Variants in NF1 observed in about 807,000 individuals in gnomAD.
The protein encoded by NF1 is neurofibromin.
Under a neutral mutation model 325.7 loss-of-function variants are expected in NF1, and 122 were observed. The observed-to-expected ratio is 0.37, with a 90% CI of 0.32 to 0.44. The LOEUF is 0.44. Among genes scored for constraint, NF1 ranks in the 20% least tolerant of loss-of-function variants. The pLI is 1.00. For synonymous variants in NF1, 1,091 were observed against 1,186.0 expected (o/e 0.92, Z 1.65); for missense variants, 2,140 against 3,415.4 (o/e 0.63, Z 9.31).
intron 1 of NF1, among the ~76,000 whole-genome samples, chr17:31,114,770 C>T (rs947852304): frequency 2.0e-5 from 3 of 152,020 alleles, no homozygotes; most frequent in Non-Finnish European, 4.4e-5. Flanking sequence ...ACAAGAATCA[C>T]TTGAACCCGG....
intron 5 of NF1, among the ~76,000 whole-genome samples, chr17:31,177,376 A>C (rs2066043184): frequency 6.6e-6 from 1 of 152,248 alleles, no homozygotes; most frequent in Non-Finnish European, 1.5e-5. Context: ...CATCATCAAC[A>C]TCAAAGACCA....
chr17:31,329,509 T>TA (rs1451060107), intron 38 of NF1, among the ~76,000 whole-genome samples: 2 of 152,206 alleles, frequency 1.3e-5, no homozygotes, highest in African/African-American at 2.4e-5. Context: ...ACCTGACAGT[T>TA]ACTGAACAAA....
At position 31,260,464 on chromosome 17, in the gene NF1, G is replaced by C. The variant is rs546073780; in HGVS notation, c.4526G>C (p.Arg1509Pro). 1 of 1,613,860 alleles carries C rather than the reference G, an allele frequency of 6.2e-7. No homozygotes were observed. Among genetic ancestry groups the C allele is most frequent in the Non-Finnish European group, 8.5e-7 (1 of 1,179,928 alleles). ...GACGGCAATGTGCTTGCTTTACATCGTCTACTCTGGAACAATCAGGAGAAA... is the reference window on the plus strand; with the variant it reads ...GACGGCAATGTGCTTGCTTTACATCCTCTACTCTGGAACAATCAGGAGAAA... ...ISDGNVLALHRLLWNNQEKIG... is the reference protein window; with the variant it reads ...ISDGNVLALHPLLWNNQEKIG... The change falls in exon 34 of 58, where the codon CGT (arginine) becomes CCT (proline). Residue 1509 changes from arginine to proline, a missense_variant. By Grantham distance (103) the Arg-to-Pro change is moderately radical (BLOSUM62 -2). Transcript: ENST00000358273.
In NF1 at chr17:31,377,555, A is replaced by T; in HGVS notation, c.*3400A>T. The T allele has an allele frequency of 4.3e-6, 1 of 233,124 alleles. No individual in the cohort carries two copies. The highest frequency in any genetic ancestry group is 1.3e-3 in the Middle Eastern group (1 of 786). The allele number at this position is 233,124 out of a possible 1,614,324, so 14.4% of individuals were successfully genotyped here. A position where few individuals can be genotyped will look rare whatever the true frequency, so the allele number is the denominator to read the frequency against. ...CCCAACAGACAAAATCGATCATTGT[A>T]GGGGAAAATCATAGAAATCCATTTC... On this transcript the variant is annotated 3_prime_UTR_variant, in exon 58 of 58. Transcript: ENST00000358273.
chr17:31,297,581 T>G (rs1276737775), intron 36 of NF1: 2 of 152,190 alleles, frequency 1.3e-5, no homozygotes, highest in African/African-American at 2.4e-5. Flanking sequence ...TTTATCCTTT[T>G]TACATGTTGA....
chr17:31,300,982 T>G (rs1251142380), intron 36 of NF1, among the ~76,000 whole-genome samples: 4 of 152,130 alleles, frequency 2.6e-5, no homozygotes, highest in Non-Finnish European at 5.9e-5. Context: ...TATTAAAAGT[T>G]GTGTTTTGGG....
intron 1 of NF1, among the ~76,000 whole-genome samples, chr17:31,143,268 C>T (rs1307329266): frequency 6.6e-6 from 1 of 151,530 alleles, no homozygotes; most frequent in Non-Finnish European, 1.5e-5. Context: ...CACACACACA[C>T]GGACACACAC....
rs1597840153 is a variant in NF1 at position 31,334,943 on chromosome 17, C to T, written c.5918C>T (p.Ala1973Val). 1.2e-6 allele frequency: 2 copies of T among 1,613,454 alleles called. No homozygotes were observed. The highest frequency in any genetic ancestry group is 1.7e-6 in the Non-Finnish European group (2 of 1,179,880). ...GATGCCAAACGACAAAGAGTTACTG[C>T]TATTCTTGACAAGCTGATAACAATG... ...NDDAKRQRVT[A>V]ILDKLITMTI... Residue 1973 changes from alanine to valine, a missense_variant, in exon 40 of 58, where the codon GCT (alanine) becomes GTT (valine). Coordinates refer to ENST00000358273, the MANE Select transcript of NF1 (RefSeq NM_001042492.3).
rs779689556 is a variant in NF1, at chr17:31,326,222, A to T, written c.5238A>T (p.Leu1746=). Residue 1746 remains leucine (L), a synonymous_variant, in exon 37 of 58, where the codon CTA becomes CTT. Transcript: ENST00000358273. The part of the protein sequence containing the change: ...DLKVFHNALK[L]AHKDTKVSIK... ...AGGTATTCCACAATGCTCTCAAGCT[A>T]GCTCACAAAGACACCAAAGTTTCTA... 2 of 1,611,556 alleles carry T rather than the reference A, an allele frequency of 1.2e-6. No individual in the cohort carries two copies. The highest frequency in any genetic ancestry group is 8.5e-7 in the Non-Finnish European group (1 of 1,180,010).
At chr17:31,296,214 C>A (rs777723453) in intron 36 of NF1, 14 of 1,614,074 alleles carry the variant, frequency 8.7e-6, no homozygotes, top group Non-Finnish European at 1.1e-5. Context: ...CCTGAACAGT[C>A]CACATGCCTG....
intron 36 of NF1, chr17:31,307,762 G>A: frequency 1.8e-6 from 1 of 561,578 alleles, no homozygotes; most frequent in Non-Finnish European, 2.8e-6. Flanking sequence ...TTAGGGAATA[G>A]AAAATCTTAG....
chr17:31,130,160 C>G (rs901791491), intron 1 of NF1, among the ~76,000 whole-genome samples: 3 of 145,062 alleles, frequency 2.1e-5, no homozygotes, highest in Admixed American at 7.0e-5. Flanking sequence ...GGCTTCATTA[C>G]TGGAGGGGCC....
In NF1 at chr17:31,260,550, C is replaced by G. The variant is rs17886828; in HGVS notation, c.4577+35C>G. On this transcript the variant is annotated intron_variant, in intron 34 of 57. Transcript: ENST00000358273. ...CCCAGTCATGGGGATAGTGAACACT[C>G]TCCGTTTAAATTTAGATTAATACAA... The G allele has an allele frequency of 5.8e-5, 93 of 1,608,440 alleles. 3 individuals carry two copies. The South Asian group carries it at 9.5e-4, about 16-fold the overall frequency.
chr17:31,340,439 A>G, intron 46 of NF1, 66 bp from the exon 47 acceptor site: 1 of 1,597,106 alleles, frequency 6.3e-7, no homozygotes, highest in South Asian at 1.1e-5. Flanking sequence ...TTTTAACTGC[A>G]GTGTGTTTTG....
chr17:31,365,310 GAAAAT>G (rs2070493179), intron 57 of NF1, among the ~76,000 whole-genome samples: 1 of 127,514 alleles, frequency 7.8e-6, no homozygotes, highest in African/African-American at 3.3e-5. Flanking sequence ...AGGAAAGAAA[GAAAAT>G]GAATTAATAG....
intron 36 of NF1, among the ~76,000 whole-genome samples, chr17:31,284,976 C>T (rs753362751): frequency 2.0e-5 from 3 of 152,040 alleles, no homozygotes; most frequent in Non-Finnish European, 4.4e-5. Context: ...AAAAATTAGC[C>T]GGGCATGCTT....
Position 31,336,992 on chromosome 17 carries a change from A to G in NF1, c.6427+78A>G. The G allele has an allele frequency of 2.7e-6, 4 of 1,481,126 alleles. No homozygotes were observed. The highest frequency in any genetic ancestry group is 3.7e-6 in the Non-Finnish European group (4 of 1,076,708). The allele number at this position is 1,481,126 out of a possible 1,614,324, so 91.7% of individuals were successfully genotyped here. ...TCACCTGATCAATATAGATTATCTT[A>G]TTTATGTTTGTGCTCTAACACCAAG... On this transcript the variant is annotated intron_variant, in intron 42 of 57. Coordinates refer to ENST00000358273, the MANE Select transcript of NF1 (RefSeq NM_001042492.3). This position sits in a 1 kb window ranked among gnomAD's most constrained non-coding sequence, Gnocchi z 5.5.
At chr17:31,345,397 G>A in intron 48 of NF1, 3 of 1,231,266 alleles carry the variant, frequency 2.4e-6, no homozygotes, top group Non-Finnish European at 3.3e-6. Context: ...AGGGGCGGCC[G>A]GCGAGTCCCA....
chr17:31,221,212 A>G (rs923257612), intron 14 of NF1, among the ~76,000 whole-genome samples: 10 of 151,956 alleles, frequency 6.6e-5, no homozygotes, highest in African/African-American at 2.4e-4. Context: ...AATTTATATA[A>G]TAATCTATTT....
Sources: gnomAD v4.1 joint callset for allele counts (sites outside exome capture counted in the v4.1 genomes callset) on GRCh38, gnomAD v4.1.1 for gene constraint, Gnocchi (gnomAD v3.1) non-coding constraint, MANE v1.5 for transcripts, NCBI Gene and HGNC (gene_info 2026-07-23, HGNC 2026-07-21) for gene names.